The following PCDHGB3 variants were observed in gnomAD, a reference collection of about 807,000 sequenced individuals.
The protein encoded by PCDHGB3 is protocadherin gamma-B3.
A neutral mutation model predicts 59.2 loss-of-function variants in PCDHGB3; 40 were observed. That is an observed-to-expected ratio of 0.68 (90% CI 0.52 to 0.88). The LOEUF (loss-of-function observed/expected upper bound fraction) is 0.88, where lower values mean the gene tolerates loss of function less well. PCDHGB3 is among the 40% of genes least tolerant of loss of function. PCDHGB3 has a pLI of 0.00. For synonymous variants in PCDHGB3, 581 were observed against 503.6 expected, an observed-to-expected ratio of 1.15 and a Z score of -2.06; for missense variants, 1,309 against 1,187.9, an observed-to-expected ratio of 1.10 and a Z score of -1.50.
chr5:141,415,105 C>T (rs1472993181), intron 1 of PCDHGB3: 1 of 1,613,652 alleles, frequency 6.2e-7, no homozygotes, highest in African/African-American at 1.3e-5. Flanking sequence ...CGCGCTCAAG[C>T]AAAGCCTCGT....
chr5:141,375,973 C>T (rs577451422), intron 1 of PCDHGB3: 6 of 1,613,256 alleles, frequency 3.7e-6, no homozygotes, highest in Non-Finnish European at 4.2e-6. Context: ...GCACGGCGCG[C>T]GCCCTGCTGG....
chr5:141,381,233 C>T (rs978967101), intron 1 of PCDHGB3, among the ~76,000 whole-genome samples: 1 of 152,276 alleles, frequency 6.6e-6, no homozygotes, highest in African/African-American at 2.4e-5. Flanking sequence ...CCACCAACTA[C>T]TCTCCAGGAC....
At position 141,485,275 on chromosome 5, in the gene PCDHGB3, G is replaced by A. The variant is rs77402299; in HGVS notation, c.2416-9532G>A. The A allele has an allele frequency of 8.7e-6, 14 of 1,613,954 alleles. No homozygotes were observed. In the African/African-American group the frequency reaches 1.1e-4, roughly 12 times the overall value. ...ACGTTTGTGGGCAGATCCGCTACCC[G>A]GTCCCAGAGGAGTCACAGGAAGGGA... On this transcript the variant is annotated intron_variant, in intron 1 of 3. Transcript: ENST00000576222. The surrounding 1 kb of genome is among the most constrained non-coding windows in gnomAD (Gnocchi z 5.7).
At chr5:141,508,151 C>T (rs1306467936) in intron 3 of PCDHGB3, 1 of 152,548 alleles carries the variant, frequency 6.6e-6, no homozygotes, top group Admixed American at 6.5e-5. Flanking sequence ...GGCTGAGTTT[C>T]CCTGAGTAGA....
intron 1 of PCDHGB3, chr5:141,393,947 G>T: frequency 6.2e-7 from 1 of 1,613,972 alleles, no homozygotes; most frequent in Non-Finnish European, 8.5e-7. Context: ...ACTCTGGAAA[G>T]AATGGTCAAG....
At chr5:141,436,707 T>C (rs985035872) in intron 1 of PCDHGB3, among the ~76,000 whole-genome samples, 18 of 152,208 alleles carry the variant, frequency 1.2e-4, no homozygotes, top group African/African-American at 4.3e-4. Context: ...GCACACTCGA[T>C]GTTCTGTTGG....
chr5:141,419,514 T>C (rs1180212485), intron 1 of PCDHGB3: 1 of 1,612,266 alleles, frequency 6.2e-7, no homozygotes, highest in Admixed American at 1.7e-5. Context: ...CGCGTGTTGG[T>C]GGGCGACCGT....
intron 1 of PCDHGB3, among the ~76,000 whole-genome samples, chr5:141,443,876 G>C (rs2098409251): frequency 6.6e-6 from 1 of 152,152 alleles, no homozygotes; most frequent in South Asian, 2.1e-4. Flanking sequence ...TTACTGATAA[G>C]TCAAGAGAAA....
At chr5:141,450,829 A>T (rs187691791) in intron 1 of PCDHGB3, among the ~76,000 whole-genome samples, 19,077 of 135,014 alleles carry the variant, frequency 0.14, 1,595 homozygotes, top group African/African-American at 0.24. Context: ...TATTATTATT[A>T]TTTTTTTTTT....
chr5:141,444,524 A>G (rs563709940), intron 1 of PCDHGB3, among the ~76,000 whole-genome samples: 47 of 152,224 alleles, frequency 3.1e-4, no homozygotes, highest in African/African-American at 1.1e-3. Context: ...AGTAGGTGAG[A>G]CAGTGACTGT....
intron 1 of PCDHGB3, chr5:141,417,252 G>C (rs2096099745): frequency 6.6e-6 from 1 of 152,148 alleles, no homozygotes; most frequent in Admixed American, 6.5e-5. Context: ...AGTACTTCCA[G>C]CTTCATAGAT....
At chr5:141,427,707 T>C in intron 1 of PCDHGB3, 1 of 1,011,828 alleles carries the variant, frequency 9.9e-7, no homozygotes, top group Non-Finnish European at 1.5e-6. Context: ...AGTCAGCGCC[T>C]CTGACCTGGA....
intron 1 of PCDHGB3, chr5:141,383,333 A>G: frequency 6.2e-7 from 1 of 1,614,006 alleles, no homozygotes; most frequent in South Asian, 1.1e-5. Context: ...ATAATGGAGA[A>G]TACAGCTCCT....
intron 1 of PCDHGB3, chr5:141,404,934 C>A: frequency 5.6e-6 from 9 of 1,613,986 alleles, no homozygotes; most frequent in Non-Finnish European, 6.8e-6. Flanking sequence ...GTCACGCTCA[C>A]AGTAGCCATA....
chr5:141,418,018 T>C, intron 1 of PCDHGB3: 1 of 1,613,868 alleles, frequency 6.2e-7, no homozygotes, highest in Non-Finnish European at 8.5e-7. Flanking sequence ...TCGCTAAGGA[T>C]CTAGGGCTTA....
intron 1 of PCDHGB3, among the ~76,000 whole-genome samples, chr5:141,402,766 A>T (rs1321674206): frequency 6.6e-6 from 1 of 152,232 alleles, no homozygotes; most frequent in African/African-American, 2.4e-5. Context: ...TCAGGACTCC[A>T]TCCGGATTTC....
intron 1 of PCDHGB3, among the ~76,000 whole-genome samples, chr5:141,445,920 A>C (rs1343777309): frequency 6.6e-6 from 1 of 152,212 alleles, no homozygotes; most frequent in African/African-American, 2.4e-5. Context: ...GGCAGTGACA[A>C]GATATTTGAA....
In PCDHGB3 at chr5:141,489,950, A is replaced by C. The variant is rs1055715796; in HGVS notation, c.2416-4857A>C. 1 of 1,614,192 alleles carries C rather than the reference A, an allele frequency of 6.2e-7. No homozygotes were observed. The highest frequency in any genetic ancestry group is 1.3e-5 in the African/African-American group (1 of 75,060). ...TCTGTCATCGTGCTGGACATCAATG[A>C]TAATGCTCCAACCTTCCAATCCTCA... is the stretch of plus-strand genomic sequence containing the variant. On this transcript the variant is annotated intron_variant, in intron 1 of 3. Coordinates refer to ENST00000576222, the MANE Select transcript of PCDHGB3 (RefSeq NM_018924.5). The surrounding 1 kb of genome is among the most constrained non-coding windows in gnomAD (Gnocchi z 4.5).
intron 1 of PCDHGB3, chr5:141,404,304 C>T (rs1182256144): frequency 1.2e-6 from 2 of 1,613,858 alleles, no homozygotes; most frequent in African/African-American, 2.7e-5. Flanking sequence ...AATCCACCTG[C>T]TTTCTCTCAA....
Sources: allele counts gnomAD v4.1 joint callset (sites outside exome capture counted in the v4.1 genomes callset), GRCh38; gene constraint gnomAD v4.1.1; non-coding constraint Gnocchi (gnomAD v3.1); transcripts MANE v1.5; gene names NCBI Gene and HGNC (gene_info 2026-07-23, HGNC 2026-07-21).